IQCJ: variants seen among roughly 807,000 people sequenced by gnomAD.
The protein encoded by IQCJ is IQ domain-containing protein J.
IQCJ carries 9 observed loss-of-function variants against 11.0 expected under a neutral mutation model. The observed-to-expected ratio is 0.82, with a 90% CI of 0.49 to 1.43. The LOEUF is 1.43. Among genes scored for constraint, IQCJ ranks in the 40% most tolerant of loss-of-function variants. The pLI is 0.00. For missense variants in IQCJ, 146 were observed against 133.2 expected (o/e 1.10, Z -0.47); for synonymous variants, 55 against 51.3 (o/e 1.07, Z -0.31).
chr3:159,142,258 C>G (rs911709441), intron 1 of IQCJ, among the ~76,000 whole-genome samples: 1 of 152,076 alleles, frequency 6.6e-6, no homozygotes, highest in Non-Finnish European at 1.5e-5. Flanking sequence ...CTGAGCATTC[C>G]CAAGGATTGT....
intron 1 of IQCJ, among the ~76,000 whole-genome samples, chr3:159,217,475 C>T (rs968151869): frequency 3.3e-5 from 5 of 152,116 alleles, no homozygotes; most frequent in Non-Finnish European, 7.4e-5. Flanking sequence ...ATATAAGAAT[C>T]AGGAATGTTG....
downstream of IQCJ, among the ~76,000 whole-genome samples, chr3:159,265,017 G>T (rs1369637561): frequency 2.0e-5 from 3 of 152,138 alleles, no homozygotes; most frequent in East Asian, 3.9e-4. Context: ...TTATAACAAT[G>T]ACTTAAATAT....
chr3:159,163,662 G>A (rs1722005727), intron 1 of IQCJ, among the ~76,000 whole-genome samples: 1 of 152,132 alleles, frequency 6.6e-6, no homozygotes, highest in Non-Finnish European at 1.5e-5. Context: ...ACCATGCCCA[G>A]CCTCATTTTT....
chr3:159,145,046 T>G (rs1182462189), intron 1 of IQCJ, among the ~76,000 whole-genome samples: 1 of 152,198 alleles, frequency 6.6e-6, no homozygotes, highest in Admixed American at 6.5e-5. Flanking sequence ...TGAGATCACC[T>G]CTGTTTCCTT....
At chr3:159,109,825 A>C (rs1718514186) in intron 1 of IQCJ, among the ~76,000 whole-genome samples, 1 of 152,242 alleles carries the variant, frequency 6.6e-6, no homozygotes, top group South Asian at 2.1e-4. Context: ...TTCAGTATTT[A>C]AAACGATAAA....
intron 3 of IQCJ, among the ~76,000 whole-genome samples, chr3:159,257,605 T>C (rs1164319319): frequency 6.6e-6 from 1 of 152,188 alleles, no homozygotes; most frequent in Non-Finnish European, 1.5e-5. Context: ...GGGCAGTTTC[T>C]GTGGGAAACC....
chr3:159,158,101 T>C (rs566022025), intron 1 of IQCJ, among the ~76,000 whole-genome samples: 31 of 152,272 alleles, frequency 2.0e-4, no homozygotes, highest in Non-Finnish European at 3.8e-4. Context: ...CATTTTAATA[T>C]AAATTGCCTT....
intron 1 of IQCJ, among the ~76,000 whole-genome samples, chr3:159,122,591 G>T (rs1035154205): frequency 1.3e-5 from 2 of 151,964 alleles, no homozygotes; most frequent in Non-Finnish European, 2.9e-5. Flanking sequence ...TCTTCGAAAA[G>T]TTTCCTTTTC....
At chr3:159,261,342 C>G (rs1164490461) in intron 3 of IQCJ, among the ~76,000 whole-genome samples, 1 of 152,110 alleles carries the variant, frequency 6.6e-6, no homozygotes, top group Admixed American at 6.5e-5. Flanking sequence ...TTCAGTGACC[C>G]CCCCTATGAA....
At chr3:159,078,278 C>G (rs1425354099) in intron 1 of IQCJ, among the ~76,000 whole-genome samples, 1 of 152,044 alleles carries the variant, frequency 6.6e-6, no homozygotes, top group African/African-American at 2.4e-5. Flanking sequence ...CGGTCTTTTG[C>G]AAAATGCTAT....
At chr3:159,105,503 C>T (rs1718198574) in intron 1 of IQCJ, among the ~76,000 whole-genome samples, 1 of 152,176 alleles carries the variant, frequency 6.6e-6, no homozygotes, top group Non-Finnish European at 1.5e-5. Flanking sequence ...GTGGAGCTTA[C>T]ACTCTCATGG....
chr3:159,155,021 C>G (rs1721437573), intron 1 of IQCJ, among the ~76,000 whole-genome samples: 1 of 152,110 alleles, frequency 6.6e-6, no homozygotes, highest in African/African-American at 2.4e-5. Flanking sequence ...ATCTTTCTTC[C>G]AGGCCCAGGG....
chr3:159,231,669 CT>C (rs1019743816), intron 1 of IQCJ, among the ~76,000 whole-genome samples: 10 of 152,132 alleles, frequency 6.6e-5, no homozygotes, highest in Admixed American at 2.0e-4. Context: ...AGGAGTCACT[CT>C]TTTCTATTTG....
chr3:159,242,691 A>G (rs1333406384), intron 1 of IQCJ, among the ~76,000 whole-genome samples: 1 of 152,062 alleles, frequency 6.6e-6, no homozygotes, highest in Non-Finnish European at 1.5e-5. Context: ...ACCATACCCA[A>G]AAATTAATTG....
chr3:159,171,735 C>T (rs1314056827), intron 1 of IQCJ, among the ~76,000 whole-genome samples: 2 of 152,166 alleles, frequency 1.3e-5, no homozygotes, highest in East Asian at 1.9e-4. Flanking sequence ...AAGTTGAAAG[C>T]CATTGCTTTT....
intron 1 of IQCJ, among the ~76,000 whole-genome samples, chr3:159,230,951 A>G (rs73166213): frequency 0.051 from 7,734 of 152,260 alleles, 278 homozygotes; most frequent in Non-Finnish European, 0.079. Flanking sequence ...TTTTAGCTCT[A>G]AAATTAATTC....
intron 1 of IQCJ, among the ~76,000 whole-genome samples, chr3:159,082,174 A>G (rs892326241): frequency 6.6e-6 from 1 of 152,166 alleles, no homozygotes; most frequent in South Asian, 2.1e-4. Flanking sequence ...GAGAAGAAGA[A>G]TAAATAACCA....
intron 1 of IQCJ, among the ~76,000 whole-genome samples, chr3:159,233,889 A>G (rs1377214818): frequency 6.6e-6 from 1 of 152,216 alleles, no homozygotes; most frequent in Non-Finnish European, 1.5e-5. Context: ...CTTACACATG[A>G]TGAAACTGAG....
At chr3:159,141,624 G>C (rs1358616620) in intron 1 of IQCJ, among the ~76,000 whole-genome samples, 1 of 152,124 alleles carries the variant, frequency 6.6e-6, no homozygotes, top group Non-Finnish European at 1.5e-5. Context: ...TTCAAATATT[G>C]TTAATACAAT....
Sources: allele counts gnomAD v4.1 joint callset (sites outside exome capture counted in the v4.1 genomes callset), GRCh38; gene constraint gnomAD v4.1.1; transcripts MANE v1.5; gene names NCBI Gene and HGNC (gene_info 2026-07-23, HGNC 2026-07-21).